LPAR3: variants seen among roughly 807,000 people sequenced by gnomAD.
LPAR3 encodes the protein LPA receptor 3.
A neutral mutation model predicts 17.8 loss-of-function variants in LPAR3; 7 were observed. The observed-to-expected ratio is 0.39, with a 90% CI of 0.22 to 0.74. The LOEUF is 0.74. Among genes scored for constraint, LPAR3 ranks in the 30% least tolerant of loss-of-function variants. The pLI is 0.40. For missense variants in LPAR3, 391 were observed against 453.4 expected, an observed-to-expected ratio of 0.86 and a Z score of 1.25; for synonymous variants, 179 against 179.9, an observed-to-expected ratio of 0.99 and a Z score of 0.04.
intron 2 of LPAR3, among the ~76,000 whole-genome samples, chr1:84,815,185 T>C (rs907225649): frequency 1.1e-4 from 17 of 152,208 alleles, no homozygotes; most frequent in Non-Finnish European, 2.1e-4. Context: ...CAAATAACTC[T>C]TAAGAGACAC....
rs781375833 is a variant in LPAR3, at chr1:84,865,926, G to A, written c.195C>T (p.Phe65=). The A allele has an allele frequency of 6.2e-7, 1 of 1,614,136 alleles. No individual in the cohort carries two copies. The highest frequency in any genetic ancestry group is 1.1e-5 in the South Asian group (1 of 91,082). Residue 65 remains phenylalanine (F), a synonymous_variant, in exon 2 of 3, where the codon TTC becomes TTT. Coordinates refer to ENST00000370611, the MANE Select transcript of LPAR3 (RefSeq NM_012152.3). ...VIKNRKFHFP[F]YYLLANLAAA... ...CAGCTAAATTAGCCAACAGGTAGTA[G>A]AAGGGGAAATGAAATTTTCTGTTTT...
intron 1 of LPAR3, among the ~76,000 whole-genome samples, chr1:84,873,761 T>TG (rs201390098): frequency 0.086 from 12,996 of 151,522 alleles, 1,182 homozygotes; most frequent in African/African-American, 0.23. Context: ...CTTGTTTGTT[T>TG]TTTTTTTTTG....
At chr1:84,834,385 T>C (rs1395054796) in intron 2 of LPAR3, among the ~76,000 whole-genome samples, 2 of 152,204 alleles carry the variant, frequency 1.3e-5, no homozygotes, top group Admixed American at 1.3e-4. Context: ...AGAGTAGAAT[T>C]TGACCCTTAG....
chr1:84,854,746 G>C (rs1265068143), intron 2 of LPAR3, among the ~76,000 whole-genome samples: 1 of 152,180 alleles, frequency 6.6e-6, no homozygotes, highest in African/African-American at 2.4e-5. Context: ...GTTCACCACT[G>C]AGCAGTAAAT....
intron 2 of LPAR3, among the ~76,000 whole-genome samples, chr1:84,850,768 G>A (rs750035267): frequency 3.5e-4 from 54 of 152,234 alleles, no homozygotes; most frequent in Non-Finnish European, 5.7e-4. Flanking sequence ...ATAACCACTG[G>A]TTAGAACCAG....
At chr1:84,856,796 G>A (rs1181367938) in intron 2 of LPAR3, among the ~76,000 whole-genome samples, 2 of 152,184 alleles carry the variant, frequency 1.3e-5, no homozygotes, top group Admixed American at 6.5e-5. Context: ...TGTTGGTGCT[G>A]TATCACAGGA....
intron 2 of LPAR3, among the ~76,000 whole-genome samples, chr1:84,827,580 T>C (rs1053741418): frequency 1.3e-5 from 2 of 152,136 alleles, no homozygotes; most frequent in African/African-American, 4.8e-5. Flanking sequence ...GCGATATGAC[T>C]GGAGAGCTGC....
intron 2 of LPAR3, among the ~76,000 whole-genome samples, chr1:84,858,780 G>A (rs1023805008): frequency 6.6e-6 from 1 of 152,186 alleles, no homozygotes; most frequent in Non-Finnish European, 1.5e-5. Flanking sequence ...CCCTGACTTC[G>A]AAGGGTGTAT....
chr1:84,860,752 T>G (rs1347929899), intron 2 of LPAR3, among the ~76,000 whole-genome samples: 1 of 149,114 alleles, frequency 6.7e-6, no homozygotes, highest in African/African-American at 2.5e-5. Flanking sequence ...TTTTTTTTTT[T>G]TTTTTTGATA....
At chr1:84,821,356 A>T (rs1285680647) in intron 2 of LPAR3, among the ~76,000 whole-genome samples, 1 of 152,066 alleles carries the variant, frequency 6.6e-6, no homozygotes, top group African/African-American at 2.4e-5. Context: ...ACTCTTGGCA[A>T]CTCTACTGAC....
At chr1:84,819,513 T>C (rs966962553) in intron 2 of LPAR3, among the ~76,000 whole-genome samples, 2 of 152,162 alleles carry the variant, frequency 1.3e-5, no homozygotes, top group Non-Finnish European at 2.9e-5. Context: ...TATTTCTCCA[T>C]GCTGACCCAA....
intron 1 of LPAR3, among the ~76,000 whole-genome samples, chr1:84,881,142 T>G (rs1036157902): frequency 6.6e-6 from 1 of 151,944 alleles, no homozygotes; most frequent in African/African-American, 2.4e-5. Context: ...AGAGAAGGGA[T>G]AGCCAGACCT....
At chr1:84,817,261 T>TCTCACACACACACA (rs374303505) in intron 2 of LPAR3, among the ~76,000 whole-genome samples, 1 of 147,428 alleles carries the variant, frequency 6.8e-6, no homozygotes, top group Non-Finnish European at 1.5e-5. Flanking sequence ...CCAGGATCTA[T>TCTCACACACACACA]CACACACACA....
intron 1 of LPAR3, among the ~76,000 whole-genome samples, chr1:84,871,303 T>C (rs1660155824): frequency 6.6e-6 from 1 of 152,200 alleles, no homozygotes; most frequent in Non-Finnish European, 1.5e-5. Flanking sequence ...TGAGCAAAGC[T>C]TTCATTTAGA....
At chr1:84,872,911 A>G (rs1660182655) in intron 1 of LPAR3, among the ~76,000 whole-genome samples, 1 of 152,200 alleles carries the variant, frequency 6.6e-6, no homozygotes, top group Non-Finnish European at 1.5e-5. Flanking sequence ...TTACTTCATG[A>G]TGAAGATCAG....
chr1:84,837,262 C>T (rs1220467561), intron 2 of LPAR3, among the ~76,000 whole-genome samples: 2 of 152,144 alleles, frequency 1.3e-5, no homozygotes, highest in Non-Finnish European at 2.9e-5. Context: ...ACCTTGTGAT[C>T]CACTCACCTC....
At chr1:84,818,800 G>A (rs900864972) in intron 2 of LPAR3, among the ~76,000 whole-genome samples, 1 of 152,110 alleles carries the variant, frequency 6.6e-6, no homozygotes, top group Admixed American at 6.6e-5. Flanking sequence ...CGGATGTAAT[G>A]TTAGACATCA....
Position 84,857,493 on chromosome 1 carries a change from T to C in LPAR3, c.736+7892A>G, listed in dbSNP as rs1015294977. 2.0e-4 allele frequency among the ~76,000 whole-genome samples: 30 copies of C among 152,320 alleles called. No individual in the cohort carries two copies. The Middle Eastern group carries it at 0.01, about 52-fold the overall frequency. ...CCCCCCGCCGACTCCAAAGCCCCTA[T>C]TCTTACCAATGATTTTAATAAGCAT... On this transcript the variant is annotated intron_variant, in intron 2 of 2. Transcript: ENST00000370611.
In LPAR3 at chr1:84,813,627, G is replaced by A. The variant is rs1045336168; in HGVS notation, c.*219C>T. On this transcript the variant is annotated 3_prime_UTR_variant, in exon 3 of 3. Coordinates refer to ENST00000370611, the MANE Select transcript of LPAR3 (RefSeq NM_012152.3). ...CAGTTCATAGGACAAGCAGGGACCCGCCGAACCTCTCCCGTTTCTGTGCTT... is the reference window on the plus strand; with the variant it reads ...CAGTTCATAGGACAAGCAGGGACCCACCGAACCTCTCCCGTTTCTGTGCTT... The A allele has an allele frequency of 1.0e-4, 52 of 518,400 alleles. 1 individual carries two copies. The highest frequency in any genetic ancestry group is 8.6e-4 in the African/African-American group (45 of 52,504). The allele number at this position is 518,400 out of a possible 1,614,324, so 32.1% of individuals were successfully genotyped here.
Sources: gnomAD v4.1 joint callset for allele counts (sites outside exome capture counted in the v4.1 genomes callset) on GRCh38, gnomAD v4.1.1 for gene constraint, MANE v1.5 for transcripts, NCBI Gene and HGNC (gene_info 2026-07-23, HGNC 2026-07-21) for gene names.